Variants in CACNG2 observed in about 807,000 individuals in gnomAD.
The protein encoded by CACNG2 is voltage-dependent calcium channel gamma-2 subunit.
In CACNG2, 3 loss-of-function variants were observed where a neutral mutation model predicts 25.9. The ratio of observed to expected loss-of-function variants is 0.12; its 90% CI spans 0.05 to 0.30. The LOEUF is 0.30. CACNG2 is among the 10% of genes least tolerant of loss of function. The pLI, the probability that CACNG2 is intolerant of heterozygous loss-of-function variation, is 1.00. For missense variants in CACNG2, 341 were observed against 432.5 expected (o/e 0.79, Z 1.88); for synonymous variants, 167 against 173.3 (o/e 0.96, Z 0.29).
intron 1 of CACNG2, among the ~76,000 whole-genome samples, chr22:36,638,197 C>T (rs192137431): frequency 6.6e-6 from 1 of 152,300 alleles, no homozygotes; most frequent in East Asian, 1.9e-4. Flanking sequence ...AGGCGACTCC[C>T]ATTGGGATGA....
At position 36,563,618 on chromosome 22, in the gene CACNG2, G is replaced by A. The variant is rs986513266; in HGVS notation, c.*733C>T. 6.6e-6 allele frequency among the ~76,000 whole-genome samples: 1 copy of A among 152,080 alleles called. No homozygotes were observed. Among genetic ancestry groups the A allele is most frequent in the African/African-American group, 2.4e-5 (1 of 41,420 alleles). ...ACCCTAACGGAGAGGAGGGACAAGG[G>A]CTCGGTCACCTGGAGGCCTACGATT... On this transcript the variant is annotated 3_prime_UTR_variant, in exon 4 of 4. Transcript: ENST00000300105.
At chr22:36,621,027 C>T (rs1936096352) in intron 1 of CACNG2, among the ~76,000 whole-genome samples, 1 of 152,162 alleles carries the variant, frequency 6.6e-6, no homozygotes, top group African/African-American at 2.4e-5. Flanking sequence ...GTTTAGAACT[C>T]TTACATTGTA....
intron 2 of CACNG2, among the ~76,000 whole-genome samples, chr22:36,574,292 G>GGGTA (rs1171102310): frequency 6.6e-6 from 1 of 152,190 alleles, no homozygotes; most frequent in Non-Finnish European, 1.5e-5. Context: ...GCTTGGGCCA[G>GGGTA]GGTAGGTACA....
chr22:36,651,034 C>A (rs985712163), intron 1 of CACNG2, among the ~76,000 whole-genome samples: 5 of 152,112 alleles, frequency 3.3e-5, no homozygotes, highest in Non-Finnish European at 7.4e-5. Flanking sequence ...ACTTCTCTTC[C>A]TAGAAACATT....
chr22:36,609,362 C>CA, intron 1 of CACNG2, among the ~76,000 whole-genome samples: 1 of 140,614 alleles, frequency 7.1e-6, no homozygotes, highest in South Asian at 2.4e-4. Flanking sequence ...CAGGAATCAG[C>CA]CCCCCAGAGC....
chr22:36,632,394 T>G (rs1185219459), intron 1 of CACNG2, among the ~76,000 whole-genome samples: 1 of 152,152 alleles, frequency 6.6e-6, no homozygotes, highest in Non-Finnish European at 1.5e-5. Flanking sequence ...AAGTTGGTCC[T>G]GTGAATTAAA....
chr22:36,600,091 G>A (rs1935731475), intron 1 of CACNG2, among the ~76,000 whole-genome samples: 1 of 152,120 alleles, frequency 6.6e-6, no homozygotes. Flanking sequence ...CGCCATCTTG[G>A]TCAATGAGAC....
intron 1 of CACNG2, among the ~76,000 whole-genome samples, chr22:36,607,539 T>C (rs768795660): frequency 6.6e-5 from 10 of 152,220 alleles, no homozygotes; most frequent in Non-Finnish European, 1.0e-4. Flanking sequence ...CCACTGCACC[T>C]GGTCCCCTTG....
intron 1 of CACNG2, among the ~76,000 whole-genome samples, chr22:36,608,966 G>C: frequency 6.6e-6 from 1 of 152,174 alleles, no homozygotes; most frequent in South Asian, 2.1e-4. Flanking sequence ...TGAATAAAAT[G>C]TGACTCTCAG....
Position 36,625,715 on chromosome 22 carries a change from TA to T in CACNG2, c.212-38168del, listed in dbSNP as rs989878889. Reference sequence around the variant, plus strand: ...ATCGTGTTTATCTTTAACTACAGTTTAAAAAAATAATTTTTCATAAAACCTT... The same window carrying T: ...ATCGTGTTTATCTTTAACTACAGTTTAAAAAATAATTTTTCATAAAACCTT... On this transcript the variant is annotated intron_variant, in intron 1 of 3. Coordinates refer to ENST00000300105, the MANE Select transcript of CACNG2 (RefSeq NM_006078.5). Among the ~76,000 whole-genome samples, 65 of 152,306 alleles carry T rather than the reference TA, an allele frequency of 4.3e-4. No individual in the cohort carries two copies. The Middle Eastern group carries it at 0.01, about 24-fold the overall frequency.
At chr22:36,697,662 C>T (rs932219003) in intron 1 of CACNG2, among the ~76,000 whole-genome samples, 24 of 152,288 alleles carry the variant, frequency 1.6e-4, no homozygotes, top group African/African-American at 5.5e-4. Context: ...GTGAGAATGG[C>T]TAGGAATGCA....
rs1389497923 is a variant in CACNG2 at position 36,606,531 on chromosome 22, T to C, written c.212-18983A>G. ...CAGCACAGTACAGGATGCTGGGTAGTAGGGACAGTGCATGGCATAATCTGG... is the reference window on the plus strand; with the variant it reads ...CAGCACAGTACAGGATGCTGGGTAGCAGGGACAGTGCATGGCATAATCTGG... On this transcript the variant is annotated intron_variant, in intron 1 of 3. Coordinates refer to ENST00000300105, the MANE Select transcript of CACNG2 (RefSeq NM_006078.5). This position sits in a 1 kb window ranked among gnomAD's most constrained non-coding sequence, Gnocchi z 5.7. 6.6e-6 allele frequency among the ~76,000 whole-genome samples: 1 copy of C among 151,526 alleles called. No homozygotes were observed. The highest frequency in any genetic ancestry group is 1.9e-4 in the East Asian group (1 of 5,178).
chr22:36,673,237 AAAC>A (rs1936976831), intron 1 of CACNG2, among the ~76,000 whole-genome samples: 1 of 152,128 alleles, frequency 6.6e-6, no homozygotes, highest in Non-Finnish European at 1.5e-5. Context: ...AAATATAAAA[AAAC>A]AAAATGTGTT....
intron 2 of CACNG2, among the ~76,000 whole-genome samples, chr22:36,587,122 T>G (rs112412578): frequency 0.013 from 2,045 of 151,992 alleles, 65 homozygotes; most frequent in African/African-American, 0.046. Flanking sequence ...AGTTGGGAGA[T>G]GGTTACTCAA....
chr22:36,566,560 AG>A, intron 2 of CACNG2, 67 bp from the exon 3 acceptor site: 1 of 1,567,324 alleles, frequency 6.4e-7, no homozygotes, highest in Non-Finnish European at 8.8e-7. Flanking sequence ...ACACAGAGGC[AG>A]GTGGGAGAGC....
intron 1 of CACNG2, among the ~76,000 whole-genome samples, chr22:36,680,705 ACCACC>A (rs1320683355): frequency 6.9e-6 from 1 of 144,232 alleles, no homozygotes; most frequent in African/African-American, 2.6e-5. Context: ...CATCACCACT[ACCACC>A]ATCACCATCA....
In CACNG2 at chr22:36,657,802, T is replaced by C. The variant is rs887312328; in HGVS notation, c.211+44564A>G. On this transcript the variant is annotated intron_variant, in intron 1 of 3. Transcript: ENST00000300105. ...CTATGGCTCAGGGAGTGGAGGCTTGTAGTTCCAGAATATTGAGTAGGCACA... is the reference window on the plus strand; with the variant it reads ...CTATGGCTCAGGGAGTGGAGGCTTGCAGTTCCAGAATATTGAGTAGGCACA... Among the ~76,000 whole-genome samples the C allele has an allele frequency of 2.6e-5, 4 of 152,068 alleles. No homozygotes were observed. In the South Asian group the frequency reaches 8.3e-4, roughly 32 times the overall value.
At chr22:36,658,216 G>A (rs1936737252) in intron 1 of CACNG2, among the ~76,000 whole-genome samples, 3 of 152,146 alleles carry the variant, frequency 2.0e-5, no homozygotes, top group Non-Finnish European at 4.4e-5. Flanking sequence ...GAACTTGAGT[G>A]GGGGCAGGTA....
At chr22:36,698,352 TA>T (rs1250847622) in intron 1 of CACNG2, among the ~76,000 whole-genome samples, 1 of 152,240 alleles carries the variant, frequency 6.6e-6, no homozygotes, top group Non-Finnish European at 1.5e-5. Flanking sequence ...TCTTGGGAAT[TA>T]TGGAGCAATA....
Sources: gnomAD v4.1 joint callset for allele counts (sites outside exome capture counted in the v4.1 genomes callset) on GRCh38, gnomAD v4.1.1 for gene constraint, Gnocchi (gnomAD v3.1) non-coding constraint, MANE v1.5 for transcripts, NCBI Gene and HGNC (gene_info 2026-07-23, HGNC 2026-07-21) for gene names.